Variants in GNAL observed in about 807,000 individuals in gnomAD.
GNAL encodes guanine nucleotide-binding protein G(olf) subunit alpha.
A neutral mutation model predicts 55.1 loss-of-function variants in GNAL; 18 were observed. The observed-to-expected ratio is 0.33, with a 90% CI of 0.23 to 0.48. The LOEUF (loss-of-function observed/expected upper bound fraction) is 0.48, where lower values mean the gene tolerates loss of function less well. GNAL is among the 20% of genes least tolerant of loss of function. GNAL has a pLI of 0.99. For synonymous variants in GNAL, 253 were observed against 237.0 expected, an observed-to-expected ratio of 1.07 and a Z score of -0.62; for missense variants, 412 against 614.1, an observed-to-expected ratio of 0.67 and a Z score of 3.48.
At position 11,752,003 on chromosome 18, in the gene GNAL, C is replaced by T. The variant is rs8089494; in HGVS notation, c.377-850C>T. 16,971 of 153,356 alleles carry T rather than the reference C, an allele frequency of 0.11. 1,402 individuals carry two copies. The highest frequency in any genetic ancestry group is 0.23 in the African/African-American group (9,717 of 41,570). The allele number at this position is 153,356 out of a possible 1,614,324, so 9.5% of individuals were successfully genotyped here. A position where few individuals can be genotyped will look rare whatever the true frequency, so the allele number is the denominator to read the frequency against. On this transcript the variant is annotated intron_variant, in intron 1 of 11. Coordinates refer to ENST00000334049, the MANE Select transcript of GNAL (RefSeq NM_182978.4). The surrounding 1 kb of genome is among the most constrained non-coding windows in gnomAD (Gnocchi z 4.5). ...CACCCCGGCTGTTTGGGACCCGGCA[C>T]CCAGCCGAGCGCGCCGCCCCCTCGG...
chr18:11,786,436 CTTTTTTTTTT>C (rs66803403), intron 4 of GNAL, among the ~76,000 whole-genome samples: 64 of 60,676 alleles, frequency 1.1e-3, no homozygotes, highest in African/African-American at 3.4e-3. Context: ...CATACGTTTT[CTTTTTTTTTT>C]TTTTTTTTTT....
rs554244503 is a variant in GNAL, at chr18:11,872,560, GTCCTATTTGTAATCGGA to G, written c.1162+166_1162+182del. ...TCCTAAAGTATTAGAGTGTTACAAG[GTCCTATTTGTAATCGGA>G]TCCCATTTGTAAATGTTTCCGAGTT... On this transcript the variant is annotated intron_variant, in intron 10 of 11. Coordinates refer to ENST00000334049, the MANE Select transcript of GNAL (RefSeq NM_182978.4). 7.9e-5 allele frequency among the ~76,000 whole-genome samples: 12 copies of G among 152,176 alleles called. No individual in the cohort carries two copies. The East Asian group carries it at 2.3e-3, about 29-fold the overall frequency.
At chr18:11,797,177 C>A (rs1235017326) in intron 4 of GNAL, among the ~76,000 whole-genome samples, 1 of 151,914 alleles carries the variant, frequency 6.6e-6, no homozygotes, top group African/African-American at 2.4e-5. Context: ...GGTGATCCAC[C>A]CCCCTTGGCC....
At chr18:11,738,739 A>G (rs2032510907) in intron 1 of GNAL, among the ~76,000 whole-genome samples, 1 of 151,964 alleles carries the variant, frequency 6.6e-6, no homozygotes, top group African/African-American at 2.4e-5. Flanking sequence ...ATGAGCCACC[A>G]CGCCCAGCCA....
At chr18:11,704,607 G>A (rs961713391) in intron 1 of GNAL, among the ~76,000 whole-genome samples, 8 of 152,174 alleles carry the variant, frequency 5.3e-5, no homozygotes, top group African/African-American at 1.9e-4. Flanking sequence ...TCCAGACCCA[G>A]CCACGCAGCC....
chr18:11,705,807 T>C (rs1951564172), intron 1 of GNAL, among the ~76,000 whole-genome samples: 1 of 149,420 alleles, frequency 6.7e-6, no homozygotes, highest in Non-Finnish European at 1.5e-5. Flanking sequence ...CCAGGCTGGA[T>C]TGCAGTGGCA....
At chr18:11,870,130 C>T (rs959915975) in intron 9 of GNAL, among the ~76,000 whole-genome samples, 1 of 152,160 alleles carries the variant, frequency 6.6e-6, no homozygotes, top group African/African-American at 2.4e-5. Context: ...TTTTGGTTTT[C>T]ACAGGGAGTC....
intron 9 of GNAL, among the ~76,000 whole-genome samples, chr18:11,870,476 G>A (rs1018038885): frequency 1.3e-5 from 2 of 152,034 alleles, no homozygotes; most frequent in Non-Finnish European, 2.9e-5. Context: ...AGCTGAGATC[G>A]CACCACTGAA....
intron 4 of GNAL, among the ~76,000 whole-genome samples, chr18:11,821,740 G>A (rs778998488): frequency 6.6e-6 from 1 of 152,232 alleles, no homozygotes; most frequent in Non-Finnish European, 1.5e-5. Context: ...GCAGAGGCAG[G>A]TGGGGCGGTG....
chr18:11,862,520 T>A, intron 6 of GNAL, 71 bp downstream of exon 6: 3 of 1,241,666 alleles, frequency 2.4e-6, no homozygotes, highest in Non-Finnish European at 3.6e-6. Flanking sequence ...ATTTAATGAT[T>A]ATTTCAGAAT....
intron 4 of GNAL, among the ~76,000 whole-genome samples, chr18:11,777,650 G>A (rs2033820380): frequency 6.6e-6 from 1 of 152,194 alleles, no homozygotes; most frequent in African/African-American, 2.4e-5. Context: ...TTTGCTGGAT[G>A]CCTTTCTTCA....
rs748842960 is a variant in GNAL, at chr18:11,752,875, C to T, written c.399C>T (p.Ser133=). ...LLLGAGESGK[S]TIVKQMRILH... Reference sequence around the variant, plus strand: ...CAGGGGCTGGTGAGTCTGGGAAAAGCACTATCGTCAAACAGATGAGGATCC... The same window carrying T: ...CAGGGGCTGGTGAGTCTGGGAAAAGTACTATCGTCAAACAGATGAGGATCC... The change falls in exon 2 of 12, where the codon AGC becomes AGT. Residue 133 remains serine (S), a synonymous_variant. Coordinates refer to ENST00000334049, the MANE Select transcript of GNAL (RefSeq NM_182978.4). This position sits in a 1 kb window ranked among gnomAD's most constrained non-coding sequence, Gnocchi z 4.5. The T allele has an allele frequency of 3.1e-6, 5 of 1,609,298 alleles. No individual in the cohort carries two copies. The highest frequency in any genetic ancestry group is 4.5e-5 in the East Asian group (2 of 44,838).
In GNAL at chr18:11,752,947, C is replaced by T; in HGVS notation, c.449+22C>T. ...CCGAGTAAGAATGTTCAGTTTGCTT[C>T]CAAACTGCATGCAAACTTCGTCTCT... On this transcript the variant is annotated intron_variant, in intron 2 of 11. Coordinates refer to ENST00000334049, the MANE Select transcript of GNAL (RefSeq NM_182978.4). This position sits in a 1 kb window ranked among gnomAD's most constrained non-coding sequence, Gnocchi z 4.5. 7.1e-7 allele frequency: 1 copy of T among 1,410,388 alleles called. No homozygotes were observed. Among genetic ancestry groups the T allele is most frequent in the South Asian group, 1.2e-5 (1 of 86,224 alleles). The allele number at this position is 1,410,388 out of a possible 1,614,324, so 87.4% of individuals were successfully genotyped here.
chr18:11,731,039 G>A (rs1039491265), intron 1 of GNAL, among the ~76,000 whole-genome samples: 1 of 152,194 alleles, frequency 6.6e-6, no homozygotes, highest in African/African-American at 2.4e-5. Context: ...TTAGACTGAT[G>A]ATCTCTGTTT....
intron 5 of GNAL, among the ~76,000 whole-genome samples, chr18:11,851,120 G>C (rs377288673): frequency 1.3e-5 from 2 of 152,254 alleles, no homozygotes; most frequent in South Asian, 4.1e-4. Flanking sequence ...GGTCTCCACA[G>C]ATCCTGTCTA....
intron 4 of GNAL, among the ~76,000 whole-genome samples, chr18:11,759,046 G>A (rs762646187): frequency 3.3e-5 from 5 of 152,038 alleles, no homozygotes; most frequent in East Asian, 1.9e-4. Context: ...GGTGGCGGGC[G>A]CCTGTAATCC....
At chr18:11,741,241 G>C (rs554441837) in intron 1 of GNAL, among the ~76,000 whole-genome samples, 81 of 152,336 alleles carry the variant, frequency 5.3e-4, no homozygotes, top group Non-Finnish European at 8.2e-4. Context: ...GTTCATCCGG[G>C]AAAGGGTGGA....
chr18:11,802,308 A>G (rs1048520798), intron 4 of GNAL, among the ~76,000 whole-genome samples: 2 of 152,172 alleles, frequency 1.3e-5, no homozygotes, highest in Non-Finnish European at 2.9e-5. Flanking sequence ...GTCCTGGGAA[A>G]TGTCAAGTCC....
intron 4 of GNAL, among the ~76,000 whole-genome samples, chr18:11,801,557 C>T (rs1287765181): frequency 6.6e-6 from 1 of 152,000 alleles, no homozygotes; most frequent in Non-Finnish European, 1.5e-5. Context: ...GAGGAGGGGC[C>T]CTAGCTGACC....
Sources: gnomAD v4.1 joint callset for allele counts (sites outside exome capture counted in the v4.1 genomes callset) on GRCh38, gnomAD v4.1.1 for gene constraint, Gnocchi (gnomAD v3.1) non-coding constraint, MANE v1.5 for transcripts, NCBI Gene and HGNC (gene_info 2026-07-23, HGNC 2026-07-21) for gene names.